Variants in DIDO1 observed in about 807,000 individuals in gnomAD.
DIDO1 encodes the protein death-inducer obliterator 1.
A neutral mutation model predicts 99.4 loss-of-function variants in DIDO1; 16 were observed. The ratio of observed to expected loss-of-function variants is 0.16; its 90% CI spans 0.11 to 0.24. The LOEUF (loss-of-function observed/expected upper bound fraction) is 0.24, where lower values mean the gene tolerates loss of function less well. Ranked by LOEUF, DIDO1 falls within the 10% of genes least tolerant of loss-of-function variation. DIDO1 has a pLI of 1.00. For missense variants in DIDO1, 2,996 were observed against 3,014.0 expected (o/e 0.99, Z 0.14); for synonymous variants, 1,366 against 1,239.1 (o/e 1.10, Z -2.15).
chr20:62,925,260 T>C (rs982052930), intron 1 of DIDO1, among the ~76,000 whole-genome samples: 1 of 152,206 alleles, frequency 6.6e-6, no homozygotes, highest in Non-Finnish European at 1.5e-5. Flanking sequence ...CCTTGGTCAC[T>C]GCTGTATCCC....
At chr20:62,907,101 A>T in intron 5 of DIDO1, 46 bp downstream of exon 5, 3 of 1,598,210 alleles carry the variant, frequency 1.9e-6, no homozygotes, top group Non-Finnish European at 2.6e-6. Flanking sequence ...AAACGCTCTC[A>T]CGCCTGTGCG....
At chr20:62,889,051 T>C in intron 15 of DIDO1, 1 of 985,534 alleles carries the variant, frequency 1.0e-6, no homozygotes, top group Non-Finnish European at 1.2e-6. Flanking sequence ...GGCGGCGTCG[T>C]GGCCTCAGCA....
In DIDO1 at chr20:62,881,707, C is replaced by A. The variant is rs2064209769; in HGVS notation, c.4249G>T (p.Ala1417Ser). Residue 1417 changes from alanine to serine, a missense_variant, in exon 16 of 16, where the codon GCT becomes TCT. Ala to Ser is a moderately conservative substitution (Grantham distance 99). Coordinates refer to ENST00000395343, the MANE Select transcript of DIDO1 (RefSeq NM_001193369.2). The surrounding 1 kb of genome is among the most constrained non-coding windows in gnomAD (Gnocchi z 8.3). ...GCCACCTCTTCCCGCTCGGCTGCAGCTGCTTCAGGAGCCCTTTCCACCTCG... is the reference window on the plus strand; with the variant it reads ...GCCACCTCTTCCCGCTCGGCTGCAGATGCTTCAGGAGCCCTTTCCACCTCG... ...RHEVERAPEA[A>S]AAEREEVAYD... The A allele has an allele frequency of 7.4e-6, 12 of 1,612,982 alleles. No homozygotes were observed. Among genetic ancestry groups the A allele is most frequent in the Non-Finnish European group, 1.0e-5 (12 of 1,180,038 alleles).
At chr20:62,907,090 C>A in intron 5 of DIDO1, 57 bp downstream of exon 5, 1 of 1,583,588 alleles carries the variant, frequency 6.3e-7, no homozygotes, top group Non-Finnish European at 8.7e-7. Context: ...AGTTCTGCGA[C>A]AAACGCTCTC....
intron 6 of DIDO1, among the ~76,000 whole-genome samples, chr20:62,899,905 A>G (rs953317318): frequency 2.6e-5 from 4 of 152,252 alleles, no homozygotes; most frequent in African/African-American, 7.2e-5. Context: ...CTGGTGCTCA[A>G]CTTGGGTCAG....
At chr20:62,882,915 CTTTTTTTTTT>C (rs10583836) in intron 15 of DIDO1, among the ~76,000 whole-genome samples, 8 of 81,384 alleles carry the variant, frequency 9.8e-5, no homozygotes, top group South Asian at 5.1e-4. Context: ...AACAAACAGC[CTTTTTTTTTT>C]TTTTTTTTTT....
chr20:62,922,034 G>A (rs28464145), intron 1 of DIDO1, among the ~76,000 whole-genome samples: 6 of 136,186 alleles, frequency 4.4e-5, no homozygotes, highest in East Asian at 2.0e-4. Context: ...ATATCCACAC[G>A]ATATATATAC....
rs868235835 is a variant in DIDO1 at position 62,879,296 on chromosome 20, G to T, written c.6660C>A (p.Ser2220Arg). ...DRKDRSKSKE[S>R]ARDPKPEASR... is the part of the protein sequence containing the mutation. ...AGGCCTCGGGCTTCGGGTCCCGAGC[G>T]CTCTCTTTGCTCTTGCTCCGGTCCT... The change falls in exon 16 of 16, where the codon AGC (serine) becomes AGA (arginine). Residue 2220 changes from serine to arginine, a missense_variant. Ser to Arg is a moderately radical substitution (Grantham distance 110). This residue lies in a region of DIDO1 where 1,562 missense variants were observed against 1,412.6 expected (regional missense o/e 1.11). Transcript: ENST00000395343. The surrounding 1 kb of genome is among the most constrained non-coding windows in gnomAD (Gnocchi z 6.3). 1 of 1,577,764 alleles carries T rather than the reference G, an allele frequency of 6.3e-7. No homozygotes were observed.
intron 6 of DIDO1, among the ~76,000 whole-genome samples, chr20:62,900,570 C>G (rs1036344245): frequency 1.3e-5 from 2 of 152,214 alleles, no homozygotes; most frequent in African/African-American, 4.8e-5. Flanking sequence ...AAATATGGGG[C>G]AAGAGACCAA....
At chr20:62,929,692 A>AAAAAAAAAAAAAAAATATAT, upstream of DIDO1, among the ~76,000 whole-genome samples, 2 of 63,708 alleles carry the variant, frequency 3.1e-5, no homozygotes, top group Admixed American at 1.8e-4. Flanking sequence ...AAAAAGAAAA[A>AAAAAAAAAAAAAAAATATAT]GTGTATATAT....
rs1211075224 is a variant in DIDO1 at position 62,881,279 on chromosome 20, G to A, written c.4677C>T (p.Asp1559=). 4.4e-6 allele frequency: 7 copies of A among 1,604,938 alleles called. No individual in the cohort carries two copies. The South Asian group carries it at 5.5e-5, about 13-fold the overall frequency. ...TGGCCAGGCGCCTCGCCTGCCGGGGGTCCCTGTGGTTTGACGCCTGGCTGG... is the reference window on the plus strand; with the variant it reads ...TGGCCAGGCGCCTCGCCTGCCGGGGATCCCTGTGGTTTGACGCCTGGCTGG... The part of the protein sequence containing the change: ...PPASQASNHR[D]PRQARRLATE... Residue 1559 remains aspartate (D), a synonymous_variant, in exon 16 of 16, where the codon GAC becomes GAT. Coordinates refer to ENST00000395343, the MANE Select transcript of DIDO1 (RefSeq NM_001193369.2). This position sits in a 1 kb window ranked among gnomAD's most constrained non-coding sequence, Gnocchi z 8.3.
chr20:62,897,301 C>T (rs1450515044), intron 6 of DIDO1, among the ~76,000 whole-genome samples: 1 of 152,212 alleles, frequency 6.6e-6, no homozygotes, highest in East Asian at 1.9e-4. Flanking sequence ...AGCTAAGCTT[C>T]AAAGCTGAAG....
chr20:62,911,710 A>C lies in DIDO1; in HGVS notation c.-2-96T>G. 9.1e-7 allele frequency: 1 copy of C among 1,096,802 alleles called. No homozygotes were observed. The highest frequency in any genetic ancestry group is 1.3e-6 in the Non-Finnish European group (1 of 782,060). The allele number at this position is 1,096,802 out of a possible 1,614,324, so 67.9% of individuals were successfully genotyped here. The stretch of plus-strand genomic sequence containing the variant: ...GCGCAGCAGGGGCCACCTCCCTACA[A>C]ACAGTGGAGCTCTACATAAAGCAAG... On this transcript the variant is annotated intron_variant, in intron 2 of 15. Transcript: ENST00000395343. This position sits in a 1 kb window ranked among gnomAD's most constrained non-coding sequence, Gnocchi z 7.0.
chr20:62,904,807 A>AAAAAT (rs1568859998), intron 6 of DIDO1, among the ~76,000 whole-genome samples: 4 of 141,706 alleles, frequency 2.8e-5, no homozygotes, highest in African/African-American at 8.0e-5. Context: ...AAAAAAAAAA[A>AAAAAT]GTGTCTTTTT....
chr20:62,937,207 C>G (rs2065398362), intron 1 of DIDO1, among the ~76,000 whole-genome samples: 1 of 152,268 alleles, frequency 6.6e-6, no homozygotes, highest in South Asian at 2.1e-4. Context: ...CCCTCAAGGA[C>G]TCTATTTCTT....
At chr20:62,910,385 C>A (rs1390804129) in intron 3 of DIDO1, among the ~76,000 whole-genome samples, 2 of 152,236 alleles carry the variant, frequency 1.3e-5, no homozygotes, top group Admixed American at 6.5e-5. Flanking sequence ...TGCACTAGGA[C>A]ACTTGCGGTC....
In DIDO1 at chr20:62,911,168, C is replaced by T. The variant is rs531297921; in HGVS notation, c.445G>A (p.Asp149Asn). 11 of 1,614,096 alleles carry T rather than the reference C, an allele frequency of 6.8e-6. No homozygotes were observed. The African/African-American group carries it at 1.2e-4, about 18-fold the overall frequency. The change falls in exon 3 of 16, where the codon GAT (aspartate) becomes AAT (asparagine). Residue 149 changes from aspartate to asparagine, a missense_variant. By Grantham distance (23) the Asp-to-Asn change is conservative. Around this residue, in one of 5 missense-constraint regions of DIDO1, gnomAD observed 388 missense variants for 376.6 expected, o/e 1.03. Coordinates refer to ENST00000395343, the MANE Select transcript of DIDO1 (RefSeq NM_001193369.2). This position sits in a 1 kb window ranked among gnomAD's most constrained non-coding sequence, Gnocchi z 7.0. The stretch of plus-strand genomic sequence containing the variant: ...TCGCTGTCACTATCGGAGGTGTCAT[C>T]GTGGTCATCCCCTCCTTTCACCTTT... Reference protein sequence around the residue: ...SEKVKGGDDHDDTSDSDSDGL... With the variant: ...SEKVKGGDDHNDTSDSDSDGL...
rs372888800 is a variant in DIDO1, at chr20:62,894,580, G to A, written c.2437-32C>T. 176 of 1,597,408 alleles carry A rather than the reference G, an allele frequency of 1.1e-4. No individual in the cohort carries two copies. The highest frequency in any genetic ancestry group is 1.5e-4 in the Non-Finnish European group (171 of 1,175,224). On this transcript the variant is annotated intron_variant, in intron 10 of 15. Coordinates refer to ENST00000395343, the MANE Select transcript of DIDO1 (RefSeq NM_001193369.2). The surrounding 1 kb of genome is among the most constrained non-coding windows in gnomAD (Gnocchi z 4.4). ...AAGAAAAAGAAAAAAAAGTGAGGTC[G>A]TTTCTTCTCCAAACTCAGCTCCAAA...
In DIDO1 at chr20:62,880,412, G is replaced by T; in HGVS notation, c.5544C>A (p.Pro1848=). 2 of 1,612,816 alleles carry T rather than the reference G, an allele frequency of 1.2e-6. No individual in the cohort carries two copies. Among genetic ancestry groups the T allele is most frequent in the Non-Finnish European group, 1.7e-6 (2 of 1,180,010 alleles). ...CCTGGAACTCCCTCTTCTCCCCATG[G>T]GGATCCTTGCGTTCTTCAAATTGGG... ...APSQFEERKD[P]HGEKREFQDA... is the part of the protein sequence containing the mutation. The change falls in exon 16 of 16, where the codon CCC becomes CCA. Residue 1848 remains proline (P), a synonymous_variant. Coordinates refer to ENST00000395343, the MANE Select transcript of DIDO1 (RefSeq NM_001193369.2).
Sources: allele counts gnomAD v4.1 joint callset (sites outside exome capture counted in the v4.1 genomes callset), GRCh38; gene constraint gnomAD v4.1.1; regional missense constraint gnomAD v4.1.1; non-coding constraint Gnocchi (gnomAD v3.1); transcripts MANE v1.5; gene names NCBI Gene and HGNC (gene_info 2026-07-23, HGNC 2026-07-21).